Variants in GRIA1 observed in about 807,000 individuals in gnomAD.
The protein encoded by GRIA1 is glutamate receptor 1.
A neutral mutation model predicts 99.2 loss-of-function variants in GRIA1; 31 were observed. That is an observed-to-expected ratio of 0.31 (90% CI 0.23 to 0.42). The LOEUF (loss-of-function observed/expected upper bound fraction) is 0.42. Ranked by LOEUF, GRIA1 falls within the 10% of genes least tolerant of loss-of-function variation. GRIA1 has a pLI of 1.00. For synonymous variants in GRIA1, 438 were observed against 432.4 expected, an observed-to-expected ratio of 1.01 and a Z score of -0.16; for missense variants, 782 against 1,157.5, an observed-to-expected ratio of 0.68 and a Z score of 4.71.
intron 8 of GRIA1, among the ~76,000 whole-genome samples, chr5:153,695,748 C>T: frequency 6.6e-6 from 1 of 152,210 alleles, no homozygotes; most frequent in East Asian, 1.9e-4. Flanking sequence ...TCACAGGGAA[C>T]ATGGTACACA....
intron 11 of GRIA1, among the ~76,000 whole-genome samples, chr5:153,760,649 C>A (rs1370626746): frequency 1.3e-5 from 2 of 151,992 alleles, no homozygotes. Flanking sequence ...TGTCAACAAC[C>A]TTCTTCACAA....
At chr5:153,771,915 C>T (rs1036307120) in intron 13 of GRIA1, among the ~76,000 whole-genome samples, 10 of 152,138 alleles carry the variant, frequency 6.6e-5, no homozygotes, top group Non-Finnish European at 1.0e-4. Flanking sequence ...AATCAAAGGA[C>T]ATTCCCCAGA....
chr5:153,701,306 G>A (rs3935764), intron 10 of GRIA1, among the ~76,000 whole-genome samples: 21,966 of 152,010 alleles, frequency 0.14, 2,088 homozygotes, highest in East Asian at 0.51. Flanking sequence ...TATCAGGCCT[G>A]TTCCTCTGCC....
chr5:153,751,209 C>T (rs1033434263), intron 11 of GRIA1, among the ~76,000 whole-genome samples: 1 of 152,238 alleles, frequency 6.6e-6, no homozygotes, highest in African/African-American at 2.4e-5. Context: ...GAACCCTGAG[C>T]CCATTCTCTT....
At chr5:153,656,449 G>A (rs1450434717) in intron 5 of GRIA1, among the ~76,000 whole-genome samples, 1 of 142,994 alleles carries the variant, frequency 7.0e-6, no homozygotes, top group Non-Finnish European at 1.5e-5. Context: ...TGTATTGAGT[G>A]CTACTGTTTT....
chr5:153,506,900 A>G (rs1385118116), intron 2 of GRIA1, among the ~76,000 whole-genome samples: 1 of 152,178 alleles, frequency 6.6e-6, no homozygotes, highest in Non-Finnish European at 1.5e-5. Context: ...AGGCGGGCAG[A>G]TCACTTGAGG....
chr5:153,599,252 AC>A (rs1389250571), intron 2 of GRIA1, among the ~76,000 whole-genome samples: 1 of 152,206 alleles, frequency 6.6e-6, no homozygotes, highest in African/African-American at 2.4e-5. Flanking sequence ...CTAGTTTGAC[AC>A]TTTTTATTAC....
chr5:153,613,760 A>G (rs1766215612), intron 2 of GRIA1, among the ~76,000 whole-genome samples: 1 of 152,132 alleles, frequency 6.6e-6, no homozygotes, highest in Non-Finnish European at 1.5e-5. Context: ...TCAGCGTTAA[A>G]GGGGCTTGAG....
intron 11 of GRIA1, among the ~76,000 whole-genome samples, chr5:153,715,483 T>C (rs1433949238): frequency 6.6e-6 from 1 of 152,100 alleles, no homozygotes; most frequent in Non-Finnish European, 1.5e-5. Context: ...TACTACCTAC[T>C]AGCTGTGTGA....
chr5:153,538,476 G>A (rs1404266862), intron 2 of GRIA1, among the ~76,000 whole-genome samples: 1 of 151,984 alleles, frequency 6.6e-6, no homozygotes, highest in African/African-American at 2.4e-5. Flanking sequence ...CCCAGCAACT[G>A]GTAGATCTGC....
At chr5:153,557,019 T>A (rs990040563) in intron 2 of GRIA1, among the ~76,000 whole-genome samples, 10 of 152,222 alleles carry the variant, frequency 6.6e-5, no homozygotes, top group African/African-American at 2.2e-4. Flanking sequence ...ATGGTAAGTA[T>A]TTGTGTATCT....
At chr5:153,593,380 A>G (rs535611029) in intron 2 of GRIA1, among the ~76,000 whole-genome samples, 1 of 152,326 alleles carries the variant, frequency 6.6e-6, no homozygotes, top group African/African-American at 2.4e-5. Context: ...GGGCACAAAC[A>G]TGGAGTCCAT....
At chr5:153,512,886 G>A (rs1294488781) in intron 2 of GRIA1, among the ~76,000 whole-genome samples, 1 of 152,138 alleles carries the variant, frequency 6.6e-6, no homozygotes, top group Non-Finnish European at 1.5e-5. Flanking sequence ...GTCGTCATGA[G>A]GATGTCATCC....
chr5:153,728,930 C>T (rs1231381669), intron 11 of GRIA1, among the ~76,000 whole-genome samples: 2 of 126,466 alleles, frequency 1.6e-5, no homozygotes, highest in African/African-American at 3.1e-5. Flanking sequence ...AAGACACATG[C>T]ACACGTATGT....
intron 13 of GRIA1, among the ~76,000 whole-genome samples, chr5:153,775,060 C>A (rs1263203252): frequency 6.6e-6 from 1 of 152,158 alleles, no homozygotes; most frequent in Non-Finnish European, 1.5e-5. Flanking sequence ...CCTATGCAGC[C>A]AACGTCACTC....
chr5:153,569,692 T>C (rs1464856869), intron 2 of GRIA1, among the ~76,000 whole-genome samples: 1 of 152,228 alleles, frequency 6.6e-6, no homozygotes, highest in East Asian at 1.9e-4. Context: ...GCTCAGTGTG[T>C]TGTAGGTTTT....
At chr5:153,504,926 A>C (rs1173399645) in intron 2 of GRIA1, among the ~76,000 whole-genome samples, 1 of 152,178 alleles carries the variant, frequency 6.6e-6, no homozygotes, top group African/African-American at 2.4e-5. Flanking sequence ...TCCCAGTTGG[A>C]ATCTTGGCTG....
intron 2 of GRIA1, among the ~76,000 whole-genome samples, chr5:153,641,103 T>G (rs1753750226): frequency 6.6e-6 from 1 of 152,052 alleles, no homozygotes; most frequent in Non-Finnish European, 1.5e-5. Context: ...CCAATAAGGA[T>G]AGAATTATTC....
chr5:153,621,927 G>C (rs893731399), intron 2 of GRIA1, among the ~76,000 whole-genome samples: 3 of 152,160 alleles, frequency 2.0e-5, no homozygotes, highest in African/African-American at 7.2e-5. Context: ...ACTTTAATGA[G>C]AATTGGTTGC....
Sources: gnomAD v4.1 joint callset for allele counts (sites outside exome capture counted in the v4.1 genomes callset) on GRCh38, gnomAD v4.1.1 for gene constraint, MANE v1.5 for transcripts, NCBI Gene and HGNC (gene_info 2026-07-23, HGNC 2026-07-21) for gene names.